The following ECT2L variants were observed in gnomAD, a reference collection of about 807,000 sequenced individuals.
The protein encoded by ECT2L is epithelial cell-transforming sequence 2 oncogene-like.
Under a neutral mutation model 122.8 loss-of-function variants are expected in ECT2L, and 126 were observed. The observed-to-expected ratio is 1.03, with a 90% confidence interval of 0.89 to 1.19. The LOEUF (loss-of-function observed/expected upper bound fraction) is 1.19. Among genes scored for constraint, ECT2L ranks in the 50% most tolerant of loss-of-function variants. The probability of loss-of-function intolerance (pLI) is 0.00; values close to 1 mark genes in which losing one functional copy is unlikely to be tolerated. For missense variants in ECT2L, 1,012 were observed against 1,064.1 expected, an observed-to-expected ratio of 0.95 and a Z score of 0.68; for synonymous variants, 385 against 381.8, an observed-to-expected ratio of 1.01 and a Z score of -0.10.
chr6:138,825,584 AAAAAGAAAAG>A (rs539268479), intron 4 of ECT2L, among the ~76,000 whole-genome samples: 84 of 152,312 alleles, frequency 5.5e-4, no homozygotes, highest in African/African-American at 1.2e-3. Flanking sequence ...CTCCGTCTAA[AAAAAGAAAAG>A]AAAAGAAAAG....
At chr6:138,857,476 C>T (rs1777653084) in intron 10 of ECT2L, among the ~76,000 whole-genome samples, 1 of 152,160 alleles carries the variant, frequency 6.6e-6, no homozygotes, top group Non-Finnish European at 1.5e-5. Context: ...TCCTCAAGCT[C>T]CTCCAGTGGG....
At chr6:138,825,768 T>G (rs1776426323) in intron 4 of ECT2L, among the ~76,000 whole-genome samples, 1 of 152,198 alleles carries the variant, frequency 6.6e-6, no homozygotes, top group Non-Finnish European at 1.5e-5. Context: ...TCACTCTCCT[T>G]ATTGCTTTAC....
intron 4 of ECT2L, 32 bp downstream of exon 4, chr6:138,814,635 G>T: frequency 1.5e-6 from 2 of 1,314,066 alleles, no homozygotes; most frequent in South Asian, 1.3e-5. Context: ...AATTAACATT[G>T]ATTCTTAAAG....
At chr6:138,848,897 C>T (rs1176154315) in intron 8 of ECT2L, among the ~76,000 whole-genome samples, 2 of 152,240 alleles carry the variant, frequency 1.3e-5, no homozygotes, top group East Asian at 1.9e-4. Context: ...TCAAGTTATC[C>T]GTCAGCCTCG....
chr6:138,877,573 G>A (rs1778495810), intron 14 of ECT2L, among the ~76,000 whole-genome samples: 2 of 152,098 alleles, frequency 1.3e-5, no homozygotes, highest in South Asian at 4.1e-4. Context: ...CTGCCAAGTA[G>A]GATGCAGATG....
chr6:138,803,276 AAAAG>A (rs1326004204), intron 1 of ECT2L, among the ~76,000 whole-genome samples: 8 of 151,004 alleles, frequency 5.3e-5, no homozygotes, highest in African/African-American at 2.0e-4. Flanking sequence ...AGGAAAGAGA[AAAAG>A]AAAATAATCC....
Position 138,846,595 on chromosome 6 carries a change from G to T in ECT2L, c.821G>T (p.Gly274Val). ...TTATTATCAAAGAAAAATTGGCATG[G>T]AGTTCATAAAAATGATGACAGATCT... ...YPLLSKKNWHGVHKNDDRSSY... is the reference protein window; with the variant it reads ...YPLLSKKNWHVVHKNDDRSSY... The change falls in exon 8 of 22, where the codon GGA becomes GTA. Residue 274 changes from glycine to valine, a missense_variant. Physicochemically the swap from Gly to Val is moderately radical, Grantham distance 109. Coordinates refer to ENST00000541398, the MANE Select transcript of ECT2L (RefSeq NM_001077706.3). 2 of 1,610,824 alleles carry T rather than the reference G, an allele frequency of 1.2e-6. No individual in the cohort carries two copies. Among genetic ancestry groups the T allele is most frequent in the Non-Finnish European group, 1.7e-6 (2 of 1,179,000 alleles).
chr6:138,811,460 C>T (rs1387793227), intron 1 of ECT2L, among the ~76,000 whole-genome samples: 1 of 152,114 alleles, frequency 6.6e-6, no homozygotes, highest in Non-Finnish European at 1.5e-5. Context: ...TATGTTGAAG[C>T]CTTCACCCCC....
At chr6:138,879,811 G>A (rs1778584032) in intron 14 of ECT2L, among the ~76,000 whole-genome samples, 1 of 152,038 alleles carries the variant, frequency 6.6e-6, no homozygotes, top group African/African-American at 2.4e-5. Context: ...AAATTAGCTG[G>A]GCATGGTGGC....
chr6:138,872,550 C>T lies in ECT2L; in HGVS notation c.1579-3922C>T, dbSNP rs190179225. 3.3e-5 allele frequency among the ~76,000 whole-genome samples: 5 copies of T among 152,326 alleles called. No homozygotes were observed. In the East Asian group the frequency reaches 9.6e-4, roughly 29 times the overall value. ...GCTGCTTTCATTTCATTATGCCAGC[C>T]ACCATCTCTTTGAAATTCTTGGAGA... On this transcript the variant is annotated intron_variant, in intron 13 of 21. Coordinates refer to ENST00000541398, the MANE Select transcript of ECT2L (RefSeq NM_001077706.3).
chr6:138,798,365 A>G (rs1775416520), intron 1 of ECT2L, among the ~76,000 whole-genome samples: 1 of 152,104 alleles, frequency 6.6e-6, no homozygotes, highest in African/African-American at 2.4e-5. Flanking sequence ...GGGGTCCACC[A>G]AGATTCACTT....
chr6:138,825,422 A>G (rs1287826719), intron 4 of ECT2L, among the ~76,000 whole-genome samples: 1 of 152,052 alleles, frequency 6.6e-6, no homozygotes, highest in Non-Finnish European at 1.5e-5. Context: ...TCTACTAAAA[A>G]TACAAAAATA....
At chr6:138,895,719 G>A (rs958501477) in intron 20 of ECT2L, among the ~76,000 whole-genome samples, 3 of 152,080 alleles carry the variant, frequency 2.0e-5, no homozygotes, top group Non-Finnish European at 2.9e-5. Flanking sequence ...GTACAGGGGC[G>A]TGCCACCACT....
At chr6:138,831,708 G>C (rs1348853223) in intron 4 of ECT2L, among the ~76,000 whole-genome samples, 1 of 152,118 alleles carries the variant, frequency 6.6e-6, no homozygotes, top group Admixed American at 6.5e-5. Flanking sequence ...CTCCATAAAG[G>C]CAGGAATTGT....
intron 4 of ECT2L, among the ~76,000 whole-genome samples, chr6:138,815,273 A>G (rs1306294720): frequency 2.6e-5 from 4 of 152,238 alleles, no homozygotes; most frequent in African/African-American, 7.2e-5. Context: ...ACTAATTAGC[A>G]TAGCAAATAT....
chr6:138,851,482 C>CTTTT (rs56921189), intron 9 of ECT2L, among the ~76,000 whole-genome samples: 2 of 109,628 alleles, frequency 1.8e-5, no homozygotes, highest in African/African-American at 3.6e-5. Context: ...TGTGCCTAGC[C>CTTTT]TTTTTTTTTT....
At chr6:138,806,096 C>G (rs1484754433) in intron 1 of ECT2L, among the ~76,000 whole-genome samples, 1 of 152,202 alleles carries the variant, frequency 6.6e-6, no homozygotes, top group African/African-American at 2.4e-5. Context: ...CTCTTGTGAT[C>G]TCCGTCAGGT....
At chr6:138,841,910 T>C (rs1777052979) in intron 5 of ECT2L, among the ~76,000 whole-genome samples, 2 of 152,230 alleles carry the variant, frequency 1.3e-5, no homozygotes, top group South Asian at 4.1e-4. Flanking sequence ...TATCGTACGC[T>C]TCAGTCAAAA....
At chr6:138,869,526 G>A (rs1438708843) in intron 13 of ECT2L, among the ~76,000 whole-genome samples, 1 of 152,214 alleles carries the variant, frequency 6.6e-6, no homozygotes, top group Non-Finnish European at 1.5e-5. Flanking sequence ...CAGCTCTGCA[G>A]TGAGGCTCAG....
Sources: gnomAD v4.1 joint callset for allele counts (sites outside exome capture counted in the v4.1 genomes callset) on GRCh38, gnomAD v4.1.1 for gene constraint, MANE v1.5 for transcripts, NCBI Gene and HGNC (gene_info 2026-07-23, HGNC 2026-07-21) for gene names.